The following GSTM4 variants were observed in gnomAD, a reference collection of about 807,000 sequenced individuals.
The protein encoded by GSTM4 is glutathione S-transferase mu 4.
A neutral mutation model predicts 30.1 loss-of-function variants in GSTM4; 27 were observed. The ratio of observed to expected loss-of-function variants is 0.90; its 90% CI spans 0.66 to 1.24. GSTM4 has a LOEUF of 1.24. Ranked by LOEUF, GSTM4 falls within the 50% of genes most tolerant of loss-of-function variation. The pLI, the probability that GSTM4 is intolerant of heterozygous loss-of-function variation, is 0.00. For missense variants in GSTM4, 238 were observed against 272.1 expected, an observed-to-expected ratio of 0.87 and a Z score of 0.88; for synonymous variants, 94 against 96.2, an observed-to-expected ratio of 0.98 and a Z score of 0.13.
Position 109,657,654 on chromosome 1 carries a change from C to G in GSTM4, c.242C>G (p.Ala81Gly). 1 of 1,614,240 alleles carries G rather than the reference C, an allele frequency of 6.2e-7. No individual in the cohort carries two copies. Among genetic ancestry groups the G allele is most frequent in the Non-Finnish European group, 8.5e-7 (1 of 1,180,046 alleles). Residue 81 changes from alanine to glycine, a missense_variant, in exon 4 of 8, where the codon GCC (alanine) becomes GGC (glycine). Physicochemically the swap from Ala to Gly is moderately conservative, Grantham distance 60. Coordinates refer to ENST00000369836, the MANE Select transcript of GSTM4 (RefSeq NM_000850.5). ...AGCAACGCCATCCTGTGCTACATTG[C>G]CCGCAAGCACAACCTGTGTGAGTGT... ...TQSNAILCYI[A>G]RKHNLCGETE... is the part of the protein sequence containing the mutation.
downstream of GSTM4, among the ~76,000 whole-genome samples, chr1:109,667,108 A>G (rs911257022): frequency 3.5e-4 from 53 of 152,202 alleles, no homozygotes; most frequent in African/African-American, 1.3e-3. Flanking sequence ...AAGTCTCCAG[A>G]CAGACCTACA....
At chr1:109,657,554 G>A (rs1557951494) in intron 3 of GSTM4, 36 bp from the exon 4 acceptor site, 5 of 1,614,122 alleles carry the variant, frequency 3.1e-6, no homozygotes, top group Non-Finnish European at 4.2e-6. Context: ...GAGCCTGCTG[G>A]CCCAACTGAG....
intron 7 of GSTM4, 113 bp downstream of exon 7, chr1:109,659,223 G>A: frequency 1.9e-6 from 3 of 1,613,860 alleles, no homozygotes; most frequent in South Asian, 2.2e-5. Context: ...TTGAGTGCTG[G>A]CTTCATGCCA....
At chr1:109,662,817 G>C (rs1035100383), downstream of GSTM4, among the ~76,000 whole-genome samples, 21 of 152,218 alleles carry the variant, frequency 1.4e-4, no homozygotes, top group East Asian at 5.8e-4. Flanking sequence ...AATACTGGCA[G>C]TGTCAACTAG....
At chr1:109,664,033 T>C (rs1321854353), downstream of GSTM4, among the ~76,000 whole-genome samples, 1 of 152,248 alleles carries the variant, frequency 6.6e-6, no homozygotes, top group Non-Finnish European at 1.5e-5. Context: ...CAGTTTTTTC[T>C]CTTTAACATT....
downstream of GSTM4, chr1:109,661,709 A>C (rs902103149): frequency 9.4e-7 from 1 of 1,065,402 alleles, no homozygotes; most frequent in African/African-American, 1.7e-5. Context: ...CATTTGCTAT[A>C]GTCTTGTCTT....
downstream of GSTM4, among the ~76,000 whole-genome samples, chr1:109,664,733 G>A (rs557885592): frequency 6.6e-6 from 1 of 152,192 alleles, no homozygotes; most frequent in African/African-American, 2.4e-5. Flanking sequence ...AGGTACTTGA[G>A]GGATTGCAGT....
chr1:109,658,528 G>A (rs1341028916), intron 5 of GSTM4: 1 of 440,052 alleles, frequency 2.3e-6, no homozygotes, highest in Admixed American at 3.7e-5. Flanking sequence ...AGCCTGCCAG[G>A]TACTCAGGTG....
intron 7 of GSTM4, chr1:109,659,770 CCT>C (rs1652222046): frequency 1.3e-5 from 7 of 519,648 alleles, no homozygotes; most frequent in East Asian, 1.2e-4. Context: ...TATCTTTTTT[CCT>C]CTCTTTTTTC....
At chr1:109,665,341 T>C, downstream of GSTM4, 1 of 450,812 alleles carries the variant, frequency 2.2e-6, no homozygotes, top group Non-Finnish European at 4.0e-6. Context: ...ACCCCCACCT[T>C]TGTTCTGAGG....
rs752115079 is a variant in GSTM4 at position 109,661,274 on chromosome 1, T to G, written c.*20T>G. 2.5e-6 allele frequency: 4 copies of G among 1,612,466 alleles called. No individual in the cohort carries two copies. In the Admixed American group the frequency reaches 6.7e-5, roughly 27 times the overall value. On this transcript the variant is annotated 3_prime_UTR_variant, in exon 8 of 8. Coordinates refer to ENST00000369836, the MANE Select transcript of GSTM4 (RefSeq NM_000850.5). Reference sequence around the variant, plus strand: ...AAGTAATGCCTTGAAGGCCAGGAGGTGGGAGTGAGGAGCCCATACTCAGCC... The same window carrying G: ...AAGTAATGCCTTGAAGGCCAGGAGGGGGGAGTGAGGAGCCCATACTCAGCC...
rs796441902 is a variant in GSTM4 at position 109,657,457 on chromosome 1, A to G, written c.178-133A>G. 82 of 1,455,984 alleles carry G rather than the reference A, an allele frequency of 5.6e-5. No individual in the cohort carries two copies. The African/African-American group carries it at 1.1e-3, about 19-fold the overall frequency. The allele number at this position is 1,455,984 out of a possible 1,614,324, so 90.2% of individuals were successfully genotyped here. A position where few individuals can be genotyped will look rare whatever the true frequency, so the allele number is the denominator to read the frequency against. On this transcript the variant is annotated intron_variant, in intron 3 of 7. Coordinates refer to ENST00000369836, the MANE Select transcript of GSTM4 (RefSeq NM_000850.5). Reference sequence around the variant, plus strand: ...GTCCCAGCTCATTTGTTCATGTGACAGTATTTCTATGTCAGGCCTGCCATG... The same window carrying G: ...GTCCCAGCTCATTTGTTCATGTGACGGTATTTCTATGTCAGGCCTGCCATG...
In GSTM4 at chr1:109,659,012, G is replaced by T; in HGVS notation, c.469G>T (p.Asp157Tyr). 1 of 1,614,210 alleles carries T rather than the reference G, an allele frequency of 6.2e-7. No individual in the cohort carries two copies. The highest frequency in any genetic ancestry group is 8.5e-7 in the Non-Finnish European group (1 of 1,180,044). The part of the protein sequence containing the change: ...WFVGDKITFV[D>Y]FLAYDVLDLH... ...TGGCCTTCTGCAGATCACCTTTGTA[G>T]ATTTCCTCGCCTATGATGTCCTTGA... Residue 157 changes from aspartate to tyrosine, a missense_variant, in exon 7 of 8, where the codon GAT (aspartate) becomes TAT (tyrosine). By Grantham distance (160) the Asp-to-Tyr change is radical. Coordinates refer to ENST00000369836, the MANE Select transcript of GSTM4 (RefSeq NM_000850.5).
In GSTM4 at chr1:109,658,901, G is replaced by A. The variant is rs776935872; in HGVS notation, c.448G>A (p.Gly150Arg). The A allele has an allele frequency of 1.9e-6, 3 of 1,613,482 alleles. No individual in the cohort carries two copies. In the East Asian group the frequency reaches 6.7e-5, roughly 36 times the overall value. The part of the protein sequence containing the change: ...QFLGKRPWFV[G>R]DKITFVDFLA... ...CCTGGGGAAGAGGCCATGGTTTGTT[G>A]GAGACAAGGTAATGGGGGCATGTGA... Residue 150 changes from glycine to arginine, a missense_variant, in exon 6 of 8, where the codon GGA becomes AGA. Coordinates refer to ENST00000369836, the MANE Select transcript of GSTM4 (RefSeq NM_000850.5).
chr1:109,662,335 G>A (rs1251653050), downstream of GSTM4, among the ~76,000 whole-genome samples: 1 of 152,194 alleles, frequency 6.6e-6, no homozygotes, highest in Admixed American at 6.5e-5. Flanking sequence ...CCATCACAGA[G>A]AACCAGGATC....
chr1:109,666,280 A>G (rs1557956340), downstream of GSTM4, among the ~76,000 whole-genome samples: 1 of 152,140 alleles, frequency 6.6e-6, no homozygotes, highest in African/African-American at 2.4e-5. Flanking sequence ...TTGGTAGACA[A>G]TGTTTCACCA....
Position 109,657,800 on chromosome 1 carries a change from T to C in GSTM4, c.288T>C (p.Arg96=). ...GGGAGACAGAAGAGGAGAAGATTCG[T>C]GTGGACATTTTGGAGAACCAGGCTA... ...LCGETEEEKI[R]VDILENQAMD... is the part of the protein sequence containing the mutation. The change falls in exon 5 of 8, where the codon CGT becomes CGC. Residue 96 remains arginine (R), a synonymous_variant. Transcript: ENST00000369836. The C allele has an allele frequency of 1.9e-6, 3 of 1,614,160 alleles. No homozygotes were observed. Among genetic ancestry groups the C allele is most frequent in the East Asian group, 4.5e-5 (2 of 44,882 alleles).
downstream of GSTM4, among the ~76,000 whole-genome samples, chr1:109,663,023 A>G (rs12405275): frequency 0.045 from 6,885 of 152,350 alleles, 239 homozygotes; most frequent in Admixed American, 0.1. Flanking sequence ...CATCATTCAT[A>G]TAATGGTATA....
chr1:109,658,129 C>T (rs1652121997), intron 5 of GSTM4: 2 of 494,732 alleles, frequency 4.0e-6, no homozygotes, highest in African/African-American at 3.9e-5. Context: ...TCACCTCTGA[C>T]CCCTGACCTC....
Sources: gnomAD v4.1 joint callset for allele counts (sites outside exome capture counted in the v4.1 genomes callset) on GRCh38, gnomAD v4.1.1 for gene constraint, MANE v1.5 for transcripts, NCBI Gene and HGNC (gene_info 2026-07-23, HGNC 2026-07-21) for gene names.